The following KIF1B variants were observed in gnomAD, a reference collection of about 807,000 sequenced individuals.
The protein encoded by KIF1B is kinesin-like protein KIF1B.
KIF1B carries 76 observed loss-of-function variants against 241.9 expected under a neutral mutation model. That is an observed-to-expected ratio of 0.31 (90% CI 0.26 to 0.38). KIF1B has a LOEUF of 0.38. Among genes scored for constraint, KIF1B ranks in the 10% least tolerant of loss-of-function variants. The pLI is 1.00. For missense variants in KIF1B, 1,622 were observed against 2,271.4 expected (o/e 0.71, Z 5.81); for synonymous variants, 750 against 796.7 (o/e 0.94, Z 0.99).
chr1:10,374,749 C>A lies in KIF1B; in HGVS notation c.5097-105C>A. On this transcript the variant is annotated intron_variant, in intron 46 of 48. Coordinates refer to ENST00000676179, the MANE Select transcript of KIF1B (RefSeq NM_001365951.3). The surrounding 1 kb of genome is among the most constrained non-coding windows in gnomAD (Gnocchi z 4.3). ...GGCCAAATAGGTCATTTGCCTGTTTCATCGAATCTAAGGACTTGGCCTAAG... is the reference window on the plus strand; with the variant it reads ...GGCCAAATAGGTCATTTGCCTGTTTAATCGAATCTAAGGACTTGGCCTAAG... 8.8e-7 allele frequency: 1 copy of A among 1,139,612 alleles called. No homozygotes were observed. Among genetic ancestry groups the A allele is most frequent in the Non-Finnish European group, 1.3e-6 (1 of 760,792 alleles). 70.6% of individuals were successfully genotyped at this position (1,139,612 alleles called of 1,614,324 possible).
chr1:10,377,937 G>GAAA lies in KIF1B; in HGVS notation c.*1361_*1363dup. ...GGTGACAGAGCAAGACTCTGCCTCAGAAAAAAAAAAAAATAATAATGCTGG... is the reference window on the plus strand; with the variant it reads ...GGTGACAGAGCAAGACTCTGCCTCAGAAAAAAAAAAAAAAAATAATAATGCTGG... On this transcript the variant is annotated 3_prime_UTR_variant, in exon 49 of 49. Coordinates refer to ENST00000676179, the MANE Select transcript of KIF1B (RefSeq NM_001365951.3). The GAAA allele has an allele frequency of 1.1e-5, 2 of 187,074 alleles. No individual in the cohort carries two copies. Among genetic ancestry groups the GAAA allele is most frequent in the Non-Finnish European group, 2.2e-5 (2 of 92,170 alleles). 11.6% of individuals were successfully genotyped at this position (187,074 alleles called of 1,614,324 possible). A position where few individuals can be genotyped will look rare whatever the true frequency, so the allele number is the denominator to read the frequency against.
chr1:10,362,251 CAG>C (rs1382450506), intron 40 of KIF1B, among the ~76,000 whole-genome samples: 1 of 151,954 alleles, frequency 6.6e-6, no homozygotes, highest in African/African-American at 2.4e-5. Context: ...AGGCTGAGGA[CAG>C]AGAATTGCTT....
intron 5 of KIF1B, among the ~76,000 whole-genome samples, chr1:10,263,176 C>T (rs762429969): frequency 6.6e-6 from 1 of 151,468 alleles, no homozygotes; most frequent in East Asian, 1.9e-4. Flanking sequence ...CCCAGCTACT[C>T]GGGAGGCTGA....
At chr1:10,304,196 G>A in intron 22 of KIF1B, 1 of 1,614,124 alleles carries the variant, frequency 6.2e-7, no homozygotes, top group Non-Finnish European at 8.5e-7. Context: ...AAAGAAGAGA[G>A]CCAAGAAAAA....
intron 31 of KIF1B, among the ~76,000 whole-genome samples, chr1:10,338,629 T>C (rs747676753): frequency 3.9e-5 from 6 of 152,242 alleles, no homozygotes. Context: ...TGAGTTGACC[T>C]TTGTCCTACA....
At chr1:10,362,668 CG>C (rs1360572783) in intron 40 of KIF1B, among the ~76,000 whole-genome samples, 2 of 152,106 alleles carry the variant, frequency 1.3e-5, no homozygotes, top group Non-Finnish European at 2.9e-5. Flanking sequence ...TCCCTCATAT[CG>C]TCTCTCTTAT....
chr1:10,370,305 T>TAC lies in KIF1B; in HGVS notation c.4825-835_4825-834insCA, dbSNP rs1557743014. ...GGCCAGTGACAGTGGCTCACATCTG[T>TAC]AATCCTGCCAGCTTGGGAGGTCAAG... On this transcript the variant is annotated intron_variant, in intron 44 of 48. Transcript: ENST00000676179. Among the ~76,000 whole-genome samples, 422 of 152,122 alleles carry TAC rather than the reference T, an allele frequency of 2.8e-3. 2 individuals carry two copies. The highest frequency in any genetic ancestry group is 9.3e-3 in the African/African-American group (386 of 41,508).
At position 10,303,869 on chromosome 1, in the gene KIF1B, A is replaced by G. The variant is rs369019783; in HGVS notation, c.2115+6623A>G. The G allele has an allele frequency of 2.6e-5, 42 of 1,614,132 alleles. No homozygotes were observed. The highest frequency in any genetic ancestry group is 1.5e-4 in the Admixed American group (9 of 60,012). ...GAGAATAATGTAAGTAAAGGAGACAATGGAGAACTTGCAAAAGAAGAACGT... is the reference window on the plus strand; with the variant it reads ...GAGAATAATGTAAGTAAAGGAGACAGTGGAGAACTTGCAAAAGAAGAACGT... On this transcript the variant is annotated intron_variant, in intron 22 of 48. Coordinates refer to ENST00000676179, the MANE Select transcript of KIF1B (RefSeq NM_001365951.3). This position sits in a 1 kb window ranked among gnomAD's most constrained non-coding sequence, Gnocchi z 5.2.
intron 36 of KIF1B, 132 bp downstream of exon 36, chr1:10,347,959 T>A (rs1652647197): frequency 4.0e-6 from 1 of 247,452 alleles, no homozygotes. Flanking sequence ...CCTGTTGTCA[T>A]TTTTTTTTTT....
rs1378385943 is a variant in KIF1B, at chr1:10,303,937, C to T, written c.2115+6691C>T. 4 of 1,614,158 alleles carry T rather than the reference C, an allele frequency of 2.5e-6. No homozygotes were observed. Among genetic ancestry groups the T allele is most frequent in the Non-Finnish European group, 3.4e-6 (4 of 1,180,036 alleles). On this transcript the variant is annotated intron_variant, in intron 22 of 48. Transcript: ENST00000676179. This position sits in a 1 kb window ranked among gnomAD's most constrained non-coding sequence, Gnocchi z 5.2. ...TGGGGATCCAGCTTTTAGACGTGGA[C>T]GTCTGCGCTGGATGAGGCAAGAGCA...
intron 2 of KIF1B, among the ~76,000 whole-genome samples, chr1:10,255,759 C>T (rs954830611): frequency 2.6e-5 from 4 of 152,122 alleles, no homozygotes; most frequent in Admixed American, 6.5e-5. Context: ...TTTTCATGTT[C>T]CATGTATAAA....
intron 1 of KIF1B, 79 bp from the exon 2 acceptor site, chr1:10,232,171 A>G: frequency 1.6e-6 from 1 of 624,118 alleles, no homozygotes; most frequent in Non-Finnish European, 2.9e-6. Context: ...TAGAACTAAG[A>G]TAGTAGTTCT....
rs572063663 is a variant in KIF1B at position 10,306,718 on chromosome 1, G to T, written c.2115+9472G>T. On this transcript the variant is annotated intron_variant, in intron 22 of 48. Transcript: ENST00000676179. ...ATGGGATCTTGCCTATGAATAGCCA[G>T]TGCACTGCAGCCAGGACAACAGAGT... The T allele has an allele frequency of 2.1e-4, 180 of 866,080 alleles. 1 individual carries two copies. In the Middle Eastern group the frequency reaches 6.3e-3, roughly 30 times the overall value. 53.6% of individuals were successfully genotyped at this position (866,080 alleles called of 1,614,324 possible).
At position 10,274,216 on chromosome 1, in the gene KIF1B, G is replaced by T. The variant is rs577960747; in HGVS notation, c.882+1185G>T. The stretch of plus-strand genomic sequence containing the variant: ...GCCTCCCAAAGTACTGGGATTACAG[G>T]CATGAGCCACTGTGCCCGGCCTCCC... On this transcript the variant is annotated intron_variant, in intron 10 of 48. Transcript: ENST00000676179. Among the ~76,000 whole-genome samples the T allele has an allele frequency of 3.1e-4, 47 of 152,200 alleles. No individual in the cohort carries two copies. The East Asian group carries it at 8.3e-3, about 27-fold the overall frequency.
intron 24 of KIF1B, 50 bp downstream of exon 24, chr1:10,321,907 G>T: frequency 1.9e-6 from 3 of 1,609,478 alleles, no homozygotes; most frequent in Non-Finnish European, 2.6e-6. Flanking sequence ...CGAGCCTGCT[G>T]TGGGTGCATC....
At chr1:10,336,206 T>G (rs1470251876) in intron 28 of KIF1B, among the ~76,000 whole-genome samples, 2 of 152,210 alleles carry the variant, frequency 1.3e-5, no homozygotes, top group East Asian at 1.9e-4. Context: ...TGGAGTGCAG[T>G]GGTGCAATCT....
intron 1 of KIF1B, among the ~76,000 whole-genome samples, chr1:10,231,788 T>A (rs533756386): frequency 6.6e-6 from 1 of 152,304 alleles, no homozygotes; most frequent in East Asian, 1.9e-4. Flanking sequence ...TTTTCATTTA[T>A]TATTGAAGAT....
At chr1:10,278,999 A>G in intron 13 of KIF1B, 98 bp from the exon 14 acceptor site, 1 of 729,132 alleles carries the variant, frequency 1.4e-6, no homozygotes, top group South Asian at 1.8e-5. Flanking sequence ...TAACTTTTCC[A>G]TCTCCCCAAA....
intron 38 of KIF1B, among the ~76,000 whole-genome samples, chr1:10,354,268 T>C (rs1189644436): frequency 2.0e-5 from 3 of 152,202 alleles, no homozygotes; most frequent in African/African-American, 7.2e-5. Flanking sequence ...CTACATTAAT[T>C]TATCAAACTT....
Sources: allele counts gnomAD v4.1 joint callset (sites outside exome capture counted in the v4.1 genomes callset), GRCh38; gene constraint gnomAD v4.1.1; non-coding constraint Gnocchi (gnomAD v3.1); transcripts MANE v1.5; gene names NCBI Gene and HGNC (gene_info 2026-07-23, HGNC 2026-07-21).